The following CACNA2D2 variants were observed in gnomAD, a reference collection of about 807,000 sequenced individuals.
The protein encoded by CACNA2D2 is calcium voltage-gated channel auxiliary subunit alpha2delta 2.
CACNA2D2 carries 48 observed loss-of-function variants against 166.4 expected under a neutral mutation model. The ratio of observed to expected loss-of-function variants is 0.29; its 90% CI spans 0.23 to 0.37. CACNA2D2 has a LOEUF of 0.37. Among genes scored for constraint, CACNA2D2 ranks in the 10% least tolerant of loss-of-function variants. CACNA2D2 has a pLI of 1.00. For synonymous variants in CACNA2D2, 561 were observed against 573.7 expected (o/e 0.98, Z 0.32); for missense variants, 1,122 against 1,433.0 (o/e 0.78, Z 3.50).
At chr3:50,468,034 C>G (rs994964131) in intron 2 of CACNA2D2, among the ~76,000 whole-genome samples, 3 of 152,158 alleles carry the variant, frequency 2.0e-5, no homozygotes, top group Admixed American at 6.5e-5. Context: ...GAATCCGAGG[C>G]AAGTGTCTCC....
intron 2 of CACNA2D2, among the ~76,000 whole-genome samples, chr3:50,455,348 T>C (rs1236222413): frequency 6.6e-6 from 1 of 152,160 alleles, no homozygotes; most frequent in East Asian, 1.9e-4. Flanking sequence ...AGAAACATCC[T>C]AATGAAAAAT....
intron 22 of CACNA2D2, among the ~76,000 whole-genome samples, chr3:50,373,336 C>G (rs773282918): frequency 1.3e-5 from 2 of 150,322 alleles, no homozygotes; most frequent in African/African-American, 4.9e-5. Flanking sequence ...GGGGGGCGCC[C>G]GGTGGGGCCG....
chr3:50,438,932 C>T (rs1177810197), intron 2 of CACNA2D2, among the ~76,000 whole-genome samples: 1 of 152,194 alleles, frequency 6.6e-6, no homozygotes, highest in East Asian at 1.9e-4. Flanking sequence ...TGCTCTGGGG[C>T]AGGTGGTTTA....
chr3:50,495,200 T>C (rs1376696083), intron 1 of CACNA2D2, among the ~76,000 whole-genome samples: 4 of 152,194 alleles, frequency 2.6e-5, no homozygotes, highest in African/African-American at 7.2e-5. Flanking sequence ...GGGATTTCTG[T>C]GGCTGTGGCA....
In CACNA2D2 at chr3:50,363,534, G is replaced by A; in HGVS notation, c.*1132C>T. Reference sequence around the variant, plus strand: ...GTTTGGCCTCCTGCAAGCAGGGAGTGTGTGTGTAGGGGTGGGAAGGAGATA... The same window carrying A: ...GTTTGGCCTCCTGCAAGCAGGGAGTATGTGTGTAGGGGTGGGAAGGAGATA... On this transcript the variant is annotated 3_prime_UTR_variant, in exon 38 of 38. Transcript: ENST00000424201. The A allele has an allele frequency of 2.8e-6, 1 of 356,566 alleles. No homozygotes were observed. The highest frequency in any genetic ancestry group is 4.3e-5 in the East Asian group (1 of 23,032). 22.1% of individuals were successfully genotyped at this position (356,566 alleles called of 1,614,324 possible).
chr3:50,477,520 C>T (rs1462808764), intron 1 of CACNA2D2, among the ~76,000 whole-genome samples: 2 of 152,182 alleles, frequency 1.3e-5, no homozygotes, highest in African/African-American at 4.8e-5. Flanking sequence ...CAAAACCACA[C>T]TAGACCTTGC....
Position 50,367,913 on chromosome 3 carries a change from AG to A in CACNA2D2, c.2144-12del. On this transcript the variant is annotated splice_polypyrimidine_tract_variant and intron_variant, in intron 24 of 37. Coordinates refer to ENST00000424201, the MANE Select transcript of CACNA2D2 (RefSeq NM_006030.4). The surrounding 1 kb of genome is among the most constrained non-coding windows in gnomAD (Gnocchi z 6.5). ...GAAGGAAGTTGTTGCCTGGAACAGG[AG>A]GGGAGGGGTGGGGGTGGGGGCATCT... The A allele has an allele frequency of 6.5e-6, 1 of 153,530 alleles. No homozygotes were observed. The allele number at this position is 153,530 out of a possible 1,614,324, so 9.5% of individuals were successfully genotyped here. A position where few individuals can be genotyped will look rare whatever the true frequency, so the allele number is the denominator to read the frequency against.
chr3:50,435,459 C>A (rs35896972), intron 2 of CACNA2D2, among the ~76,000 whole-genome samples: 16 of 151,816 alleles, frequency 1.1e-4, no homozygotes, highest in African/African-American at 3.4e-4. Context: ...TAGGCTGCCA[C>A]GACTGAGCCG....
chr3:50,382,385 T>C (rs1705366448), intron 6 of CACNA2D2, among the ~76,000 whole-genome samples: 1 of 152,130 alleles, frequency 6.6e-6, no homozygotes, highest in Non-Finnish European at 1.5e-5. Flanking sequence ...GAAAGCATGA[T>C]TTACAGTTCT....
At chr3:50,429,003 G>A (rs753226363) in intron 3 of CACNA2D2, among the ~76,000 whole-genome samples, 6 of 152,158 alleles carry the variant, frequency 3.9e-5, no homozygotes, top group Non-Finnish European at 7.3e-5. Context: ...GCCGAGGCGC[G>A]CAGGTTGCCT....
chr3:50,458,191 G>A (rs1354995605), intron 2 of CACNA2D2, among the ~76,000 whole-genome samples: 1 of 152,240 alleles, frequency 6.6e-6, no homozygotes, highest in Admixed American at 6.5e-5. Context: ...CGTAAGCCAG[G>A]CCTGCCAGGG....
intron 2 of CACNA2D2, among the ~76,000 whole-genome samples, chr3:50,434,810 T>C (rs562482111): frequency 2.6e-5 from 4 of 151,874 alleles, no homozygotes; most frequent in South Asian, 4.2e-4. Flanking sequence ...AGGCAGGAGG[T>C]TGAGGCGAGA....
intron 1 of CACNA2D2, among the ~76,000 whole-genome samples, chr3:50,481,604 G>A (rs1698059774): frequency 6.6e-6 from 1 of 152,202 alleles, no homozygotes; most frequent in Non-Finnish European, 1.5e-5. Flanking sequence ...CAAGTGCACG[G>A]TGAAGCAAAC....
intron 2 of CACNA2D2, among the ~76,000 whole-genome samples, chr3:50,445,563 G>A (rs61493458): frequency 0.13 from 19,308 of 152,120 alleles, 3,710 homozygotes; most frequent in African/African-American, 0.42. Flanking sequence ...GTGCCCTTAA[G>A]TCTTCTGTAG....
In CACNA2D2 at chr3:50,375,815, C is replaced by T. The variant is rs1185191798; in HGVS notation, c.1839G>A (p.Leu613=). ...CCCAGCCCTGCCTCCTTACCTCATC[C>T]AGGGACTTGACCAACGTTCTGATCT... ...HKQIRTLVKS[L]DERYIDEVTR... is the part of the protein sequence containing the mutation. Residue 613 remains leucine (L), a synonymous_variant, in exon 20 of 38, where the codon CTG becomes CTA. Transcript: ENST00000424201. The surrounding 1 kb of genome is among the most constrained non-coding windows in gnomAD (Gnocchi z 4.0). The T allele has an allele frequency of 1.9e-6, 3 of 1,613,044 alleles. No individual in the cohort carries two copies. The highest frequency in any genetic ancestry group is 2.5e-6 in the Non-Finnish European group (3 of 1,179,984).
intron 2 of CACNA2D2, among the ~76,000 whole-genome samples, chr3:50,453,354 G>A (rs976931940): frequency 6.6e-6 from 1 of 152,230 alleles, no homozygotes; most frequent in Non-Finnish European, 1.5e-5. Context: ...TTTGGTCCCT[G>A]CGCATCCAAA....
At chr3:50,364,856 G>C (rs773375196) in intron 37 of CACNA2D2, 32 bp downstream of exon 37, 1 of 1,613,272 alleles carries the variant, frequency 6.2e-7, no homozygotes, top group East Asian at 2.2e-5. Flanking sequence ...GCAAGGCCGC[G>C]GGATTTCGGG....
chr3:50,398,038 T>A (rs1402071315), intron 3 of CACNA2D2, among the ~76,000 whole-genome samples: 1 of 150,306 alleles, frequency 6.7e-6, no homozygotes, highest in Non-Finnish European at 1.5e-5. Context: ...ACTTCCCTTC[T>A]ACCTCTCCCT....
rs1479966008 is a variant in CACNA2D2 at position 50,367,109 on chromosome 3, G to A, written c.2402C>T (p.Ala801Val). ...CTCCAGCTCCAGCGGCCTTAACAGG[G>A]CTGGGGGTTGGGTGGGGAAGTCAGG... ...GYVFKPPHQD[A>V]LLRPLELEND... Residue 801 changes from alanine to valine, a missense_variant and splice_region_variant, in exon 28 of 38, where the codon GCC (alanine) becomes GTC (valine). Physicochemically the swap from Ala to Val is moderately conservative, Grantham distance 64. Coordinates refer to ENST00000424201, the MANE Select transcript of CACNA2D2 (RefSeq NM_006030.4). This position sits in a 1 kb window ranked among gnomAD's most constrained non-coding sequence, Gnocchi z 6.5. The A allele has an allele frequency of 6.2e-7, 1 of 1,612,254 alleles. No homozygotes were observed. The highest frequency in any genetic ancestry group is 1.7e-5 in the Admixed American group (1 of 59,970).
Sources: gnomAD v4.1 joint callset for allele counts (sites outside exome capture counted in the v4.1 genomes callset) on GRCh38, gnomAD v4.1.1 for gene constraint, Gnocchi (gnomAD v3.1) non-coding constraint, MANE v1.5 for transcripts, NCBI Gene and HGNC (gene_info 2026-07-23, HGNC 2026-07-21) for gene names.